The following ITPR1 variants were observed in gnomAD, a reference collection of about 807,000 sequenced individuals.
ITPR1 encodes inositol 1,4,5-trisphosphate receptor type 1.
ITPR1 carries 96 observed loss-of-function variants against 318.4 expected under a neutral mutation model. That is an observed-to-expected ratio of 0.30 (90% CI 0.26 to 0.36). The LOEUF (loss-of-function observed/expected upper bound fraction) is 0.36. Ranked by LOEUF, ITPR1 falls within the 10% of genes least tolerant of loss-of-function variation. The pLI, the probability that ITPR1 is intolerant of heterozygous loss-of-function variation, is 1.00. For missense variants in ITPR1, 2,440 were observed against 3,460.2 expected (o/e 0.71, Z 7.40); for synonymous variants, 1,312 against 1,289.9 (o/e 1.02, Z -0.37).
intron 34 of ITPR1, among the ~76,000 whole-genome samples, chr3:4,698,604 T>A (rs1023189812): frequency 6.6e-6 from 1 of 152,192 alleles, no homozygotes; most frequent in Non-Finnish European, 1.5e-5. Context: ...CAGATTTGGC[T>A]GTGTTCCAAT....
chr3:4,608,453 G>C (rs1452809885), intron 4 of ITPR1, among the ~76,000 whole-genome samples: 2 of 152,140 alleles, frequency 1.3e-5, no homozygotes, highest in African/African-American at 4.8e-5. Flanking sequence ...GTATTCATCA[G>C]TCCATCTTCC....
At chr3:4,553,666 T>C (rs1410193898) in intron 4 of ITPR1, among the ~76,000 whole-genome samples, 1 of 149,714 alleles carries the variant, frequency 6.7e-6, no homozygotes, top group Non-Finnish European at 1.5e-5. Context: ...AATGGCATGA[T>C]CTCAGCTCAC....
intron 44 of ITPR1, among the ~76,000 whole-genome samples, chr3:4,747,730 G>A (rs1235800497): frequency 6.6e-6 from 1 of 152,188 alleles, no homozygotes; most frequent in Non-Finnish European, 1.5e-5. Flanking sequence ...GCAAGTTCCA[G>A]GTTCCCAGGT....
intron 44 of ITPR1, chr3:4,751,401 G>T (rs1364121381): frequency 6.6e-6 from 1 of 152,216 alleles, no homozygotes; most frequent in Non-Finnish European, 1.5e-5. Context: ...GGCCGGCCTG[G>T]TGGTGGCCAC....
intron 4 of ITPR1, among the ~76,000 whole-genome samples, chr3:4,575,748 C>T (rs1461260905): frequency 6.6e-6 from 1 of 151,542 alleles, no homozygotes; most frequent in Non-Finnish European, 1.5e-5. Context: ...CAGCTGGATG[C>T]AGTGTCTCAT....
chr3:4,572,793 T>C (rs1207237045), intron 4 of ITPR1, among the ~76,000 whole-genome samples: 4 of 152,236 alleles, frequency 2.6e-5, no homozygotes. Flanking sequence ...TTCTGGTGTC[T>C]ATGAATTTGA....
intron 61 of ITPR1, among the ~76,000 whole-genome samples, chr3:4,844,520 G>A (rs181868813): frequency 6.6e-6 from 1 of 152,358 alleles, no homozygotes. Flanking sequence ...CCTGCCAAGG[G>A]AAGGGTTGTG....
At chr3:4,645,491 G>T (rs756240609) in intron 9 of ITPR1, 21 bp downstream of exon 9, 14 of 1,605,566 alleles carry the variant, frequency 8.7e-6, no homozygotes, top group Non-Finnish European at 1.1e-5. Flanking sequence ...TGCTTTATGG[G>T]CTGAGCATTA....
intron 4 of ITPR1, among the ~76,000 whole-genome samples, chr3:4,600,988 G>A (rs781312019): frequency 8.6e-5 from 13 of 152,046 alleles, no homozygotes; most frequent in Admixed American, 2.0e-4. Flanking sequence ...ATTCTTTTCA[G>A]AAAGTAAATA....
At chr3:4,509,580 C>A (rs1220998345) in intron 2 of ITPR1, among the ~76,000 whole-genome samples, 1 of 152,150 alleles carries the variant, frequency 6.6e-6, no homozygotes, top group Non-Finnish European at 1.5e-5. Flanking sequence ...TTACTTGAGG[C>A]CAGAGTTCAA....
chr3:4,701,827 C>G (rs754761258), intron 35 of ITPR1, among the ~76,000 whole-genome samples: 1 of 152,116 alleles, frequency 6.6e-6, no homozygotes, highest in Non-Finnish European at 1.5e-5. Context: ...ATTATCTGAA[C>G]CATGTTTATC....
chr3:4,586,268 T>C (rs1397202575), intron 4 of ITPR1, among the ~76,000 whole-genome samples: 1 of 152,172 alleles, frequency 6.6e-6, no homozygotes, highest in Non-Finnish European at 1.5e-5. Context: ...TTGCACCTGT[T>C]CTGTTCTGAA....
At chr3:4,802,836 A>G (rs192263015) in intron 54 of ITPR1, among the ~76,000 whole-genome samples, 322 of 147,472 alleles carry the variant, frequency 2.2e-3, no homozygotes, top group African/African-American at 7.8e-3. Context: ...AAAAAAAAAA[A>G]GAAAGAAAGA....
chr3:4,753,980 C>T (rs2044747371), intron 44 of ITPR1, among the ~76,000 whole-genome samples: 1 of 149,306 alleles, frequency 6.7e-6, no homozygotes, highest in Non-Finnish European at 1.5e-5. Context: ...GCGTATGTTT[C>T]TACCTTGCTA....
intron 4 of ITPR1, among the ~76,000 whole-genome samples, chr3:4,525,569 T>C (rs1352946774): frequency 6.6e-6 from 1 of 152,212 alleles, no homozygotes; most frequent in East Asian, 1.9e-4. Flanking sequence ...CTGAATGAAT[T>C]TTGGACAATA....
chr3:4,746,154 C>G (rs1333665620), intron 44 of ITPR1, among the ~76,000 whole-genome samples: 2 of 152,220 alleles, frequency 1.3e-5, no homozygotes, highest in Non-Finnish European at 2.9e-5. Flanking sequence ...CACCTGTCAG[C>G]CTTTTTGCCT....
intron 57 of ITPR1, 45 bp from the exon 58 acceptor site, chr3:4,814,376 CTT>C: frequency 1.2e-6 from 2 of 1,608,578 alleles, no homozygotes; most frequent in Middle Eastern, 1.7e-4. Flanking sequence ...CCCGGTCTCT[CTT>C]TTCTCCTCAC....
At chr3:4,726,448 C>T (rs914462575) in intron 41 of ITPR1, among the ~76,000 whole-genome samples, 3 of 152,022 alleles carry the variant, frequency 2.0e-5, no homozygotes, top group Admixed American at 6.6e-5. Context: ...TTTGGGGAGA[C>T]ATATTTCCAA....
intron 5 of ITPR1, among the ~76,000 whole-genome samples, chr3:4,629,199 TTATTTTATTTTA>T (rs2092936902): frequency 6.6e-6 from 1 of 151,788 alleles, no homozygotes; most frequent in Non-Finnish European, 1.5e-5. Flanking sequence ...TTATTTTATT[TTATTTTATTTTA>T]TATTTTATTT....
Sources: allele counts gnomAD v4.1 joint callset (sites outside exome capture counted in the v4.1 genomes callset), GRCh38; gene constraint gnomAD v4.1.1; transcripts MANE v1.5; gene names NCBI Gene and HGNC (gene_info 2026-07-23, HGNC 2026-07-21).